PJA2: variants seen among roughly 807,000 people sequenced by gnomAD.
PJA2 encodes praja ring finger ubiquitin ligase 2.
PJA2 carries 25 observed loss-of-function variants against 69.3 expected under a neutral mutation model. The observed-to-expected ratio is 0.36, with a 90% CI of 0.26 to 0.50. PJA2 has a LOEUF of 0.50. Ranked by LOEUF, PJA2 falls within the 20% of genes least tolerant of loss-of-function variation. The probability of loss-of-function intolerance (pLI) is 0.96; values close to 1 mark genes in which losing one functional copy is unlikely to be tolerated. For missense variants in PJA2, 809 were observed against 830.2 expected (o/e 0.97, Z 0.31); for synonymous variants, 308 against 277.8 (o/e 1.11, Z -1.08).
At chr5:109,394,058 T>TTG (rs1732870964) in intron 1 of PJA2, among the ~76,000 whole-genome samples, 1 of 128,276 alleles carries the variant, frequency 7.8e-6, no homozygotes, top group African/African-American at 3.5e-5. Context: ...TTTTTTTTTT[T>TTG]TTTTTTGGAG....
intron 3 of PJA2, among the ~76,000 whole-genome samples, chr5:109,379,938 T>C (rs906850884): frequency 6.6e-6 from 1 of 152,088 alleles, no homozygotes; most frequent in African/African-American, 2.4e-5. Flanking sequence ...ATAAATTACT[T>C]TAAGCATAAC....
chr5:109,374,860 T>C (rs924358323), intron 4 of PJA2, among the ~76,000 whole-genome samples: 1 of 152,202 alleles, frequency 6.6e-6, no homozygotes, highest in Non-Finnish European at 1.5e-5. Flanking sequence ...AAAGGTTTTT[T>C]TTAAACTCAA....
Position 109,379,070 on chromosome 5 carries a change from A to T in PJA2, c.417T>A (p.His139Gln), listed in dbSNP as rs754041721. The T allele has an allele frequency of 6.2e-7, 1 of 1,614,128 alleles. No homozygotes were observed. The highest frequency in any genetic ancestry group is 1.1e-5 in the South Asian group (1 of 91,070). ...RDTLGSSTNL[H>Q]NHSEGEYIPG... ...GAATATACTCTCCCTCAGAGTGATTATGAAGATTTGTACTGCTTCCTAAGG... is the reference window on the plus strand; with the variant it reads ...GAATATACTCTCCCTCAGAGTGATTTTGAAGATTTGTACTGCTTCCTAAGG... Residue 139 changes from histidine to glutamine, a missense_variant, in exon 4 of 10, where the codon CAT (histidine) becomes CAA (glutamine). Around this residue, in one of 4 missense-constraint regions of PJA2, gnomAD observed 700 missense variants for 639.5 expected, o/e 1.09. Coordinates refer to ENST00000361189, the MANE Select transcript of PJA2 (RefSeq NM_014819.5).
At chr5:109,344,997 A>G (rs956670690) in intron 7 of PJA2, among the ~76,000 whole-genome samples, 178 bp from the exon 8 acceptor site, 7 of 152,052 alleles carry the variant, frequency 4.6e-5, no homozygotes, top group Admixed American at 2.0e-4. Flanking sequence ...CCAACAAACC[A>G]AAACATTAAA....
Position 109,356,005 on chromosome 5 carries a change from A to G in PJA2, c.1674T>C (p.Asp558=), listed in dbSNP as rs770382229. 6.8e-6 allele frequency: 11 copies of G among 1,612,594 alleles called. No homozygotes were observed. Among genetic ancestry groups the G allele is most frequent in the Non-Finnish European group, 9.3e-6 (11 of 1,179,552 alleles). The part of the protein sequence containing the change: ...VDWSLFDGFA[D]GLGVAEAISY... ...AAATAGCTTCAGCAACTCCTAGTCC[A>G]TCTGCAAAGCCATCAAATAGGCTGA... Residue 558 remains aspartate (D), a synonymous_variant, in exon 7 of 10, where the codon GAT becomes GAC. Transcript: ENST00000361189.
rs1399801097 is a variant in PJA2, at chr5:109,393,883, A to AT, written c.-87-10364dup. On this transcript the variant is annotated intron_variant, in intron 1 of 9. Coordinates refer to ENST00000361189, the MANE Select transcript of PJA2 (RefSeq NM_014819.5). ...CAAAAAAATTCATGCTGTATGTTCC[A>AT]TTTTTATAAAAGTTCAAAAACAAGC... 2.6e-5 allele frequency among the ~76,000 whole-genome samples: 4 copies of AT among 152,180 alleles called. No homozygotes were observed. The South Asian group carries it at 6.2e-4, about 24-fold the overall frequency.
At position 109,381,703 on chromosome 5, in the gene PJA2, G is replaced by C; in HGVS notation, c.32C>G (p.Ala11Gly). 6.2e-7 allele frequency: 1 copy of C among 1,612,298 alleles called. No homozygotes were observed. Among genetic ancestry groups the C allele is most frequent in the Non-Finnish European group, 8.5e-7 (1 of 1,179,784 alleles). Residue 11 changes from alanine to glycine, a missense_variant and splice_region_variant, in exon 3 of 10, where the codon GCA becomes GGA. This residue lies in a region of PJA2 where 700 missense variants were observed against 639.5 expected (regional missense o/e 1.09). Transcript: ENST00000361189. Reference sequence around the variant, plus strand: ...AGCCTTACCAGATTCTTGGTCCATTGCTGAAAAAAAAGTTAAAAAATTAAA... The same window carrying C: ...AGCCTTACCAGATTCTTGGTCCATTCCTGAAAAAAAAGTTAAAAAATTAAA... MSQYTEKEPA[A>G]MDQESGKAVW... is the part of the protein sequence containing the mutation.
At chr5:109,361,574 T>C (rs545062810) in intron 6 of PJA2, among the ~76,000 whole-genome samples, 1 of 152,264 alleles carries the variant, frequency 6.6e-6, no homozygotes, top group East Asian at 1.9e-4. Flanking sequence ...ACAGAAGACT[T>C]CTGAATTAAT....
intron 7 of PJA2, among the ~76,000 whole-genome samples, chr5:109,351,917 TTAAA>T (rs1414631041): frequency 6.6e-6 from 1 of 152,120 alleles, no homozygotes; most frequent in Non-Finnish European, 1.5e-5. Context: ...TAAAAAATGA[TTAAA>T]TAAATGCATA....
chr5:109,342,661 A>G (rs1242634775), intron 9 of PJA2, among the ~76,000 whole-genome samples: 8 of 95,454 alleles, frequency 8.4e-5, no homozygotes, highest in Admixed American at 2.9e-4. Context: ...TGGGGGTGTC[A>G]GCCCCCCGCC....
At chr5:109,339,484 G>A (rs1438395641) in intron 9 of PJA2, among the ~76,000 whole-genome samples, 2 of 152,166 alleles carry the variant, frequency 1.3e-5, no homozygotes, top group African/African-American at 4.8e-5. Flanking sequence ...AAGGAAGTAA[G>A]GAAATAAAGT....
intron 5 of PJA2, among the ~76,000 whole-genome samples, chr5:109,363,455 C>T (rs1164978905): frequency 6.6e-6 from 1 of 152,190 alleles, no homozygotes; most frequent in African/African-American, 2.4e-5. Context: ...CAGCATCTCT[C>T]ATCACTCTTC....
In PJA2 at chr5:109,342,878, T is replaced by TGG. The variant is rs756987255; in HGVS notation, c.2001+1310_2001+1311dup. ...CCAGCCGCCCCGTCCGGGAGGGAGG[T>TGG]GGGGGGGGGGTCAGCCCCCCTGCCC... is the stretch of plus-strand genomic sequence containing the variant. On this transcript the variant is annotated intron_variant, in intron 9 of 9. Coordinates refer to ENST00000361189, the MANE Select transcript of PJA2 (RefSeq NM_014819.5). Among the ~76,000 whole-genome samples the TGG allele has an allele frequency of 4.0e-3, 23 of 5,742 alleles. 1 individual carries two copies. The highest frequency in any genetic ancestry group is 9.5e-3 in the South Asian group (2 of 210). 3.8% of individuals were successfully genotyped at this position (5,742 alleles called of 152,430 possible). A position where few individuals can be genotyped will look rare whatever the true frequency, so the allele number is the denominator to read the frequency against.
At chr5:109,398,567 G>T (rs1299078493) in intron 1 of PJA2, among the ~76,000 whole-genome samples, 1 of 148,680 alleles carries the variant, frequency 6.7e-6, no homozygotes, top group Non-Finnish European at 1.5e-5. Flanking sequence ...TCACTCATAG[G>T]TGGGAACTGA....
chr5:109,343,958 T>G (rs1005915202), intron 9 of PJA2, among the ~76,000 whole-genome samples: 1 of 151,158 alleles, frequency 6.6e-6, no homozygotes, highest in Non-Finnish European at 1.5e-5. Context: ...TTAGCTGAGC[T>G]TGGTGGTGGG....
chr5:109,358,140 T>A (rs1469442469), intron 6 of PJA2, among the ~76,000 whole-genome samples: 4 of 152,196 alleles, frequency 2.6e-5, no homozygotes, highest in Non-Finnish European at 5.9e-5. Context: ...ATGATGGCCA[T>A]GATGGCCATA....
chr5:109,341,537 C>T (rs1469675543), intron 9 of PJA2, among the ~76,000 whole-genome samples: 98 of 128,296 alleles, frequency 7.6e-4, no homozygotes, highest in Middle Eastern at 4.2e-3. Context: ...CCACCCCGTC[C>T]GGGAGGGAGG....
At chr5:109,371,790 A>C (rs569240005) in intron 4 of PJA2, among the ~76,000 whole-genome samples, 10 of 152,320 alleles carry the variant, frequency 6.6e-5, no homozygotes, top group African/African-American at 2.4e-4. Context: ...TTGCACATTA[A>C]CCCTCTGTCT....
chr5:109,346,946 C>G lies in PJA2; in HGVS notation c.1765-2127G>C, dbSNP rs57348235. Among the ~76,000 whole-genome samples, 733 of 152,264 alleles carry G rather than the reference C, an allele frequency of 4.8e-3. 3 individuals are homozygous for G. Among genetic ancestry groups the G allele is most frequent in the African/African-American group, 0.017 (699 of 41,568 alleles). On this transcript the variant is annotated intron_variant, in intron 7 of 9. Transcript: ENST00000361189. ...CTGATAGCTTAGCTAACACTCTATTCTTCTGGATGGCAAACATAATATTTA... is the reference window on the plus strand; with the variant it reads ...CTGATAGCTTAGCTAACACTCTATTGTTCTGGATGGCAAACATAATATTTA...
Sources: gnomAD v4.1 joint callset for allele counts (sites outside exome capture counted in the v4.1 genomes callset) on GRCh38, gnomAD v4.1.1 for gene constraint, gnomAD v4.1.1 regional missense constraint, MANE v1.5 for transcripts, NCBI Gene and HGNC (gene_info 2026-07-23, HGNC 2026-07-21) for gene names.